Variants in EXOC4 observed in about 807,000 individuals in gnomAD.
The protein encoded by EXOC4 is exocyst complex component 4, also known as SEC8-like 1.
EXOC4 carries 71 observed loss-of-function variants against 107.2 expected under a neutral mutation model. The observed-to-expected ratio is 0.66, with a 90% CI of 0.55 to 0.81. The LOEUF is 0.81. EXOC4 is among the 30% of genes least tolerant of loss of function. The pLI, the probability that EXOC4 is intolerant of heterozygous loss-of-function variation, is 0.00. For synonymous variants in EXOC4, 456 were observed against 441.2 expected (o/e 1.03, Z -0.42); for missense variants, 1,108 against 1,189.6 (o/e 0.93, Z 1.01).
At chr7:133,691,137 A>T (rs1003437603) in intron 10 of EXOC4, among the ~76,000 whole-genome samples, 16 of 152,192 alleles carry the variant, frequency 1.1e-4, no homozygotes, top group Non-Finnish European at 2.9e-5. Flanking sequence ...TCCTTCATCC[A>T]CAAAAGATTT....
At chr7:133,909,131 G>A (rs1033204087) in intron 12 of EXOC4, among the ~76,000 whole-genome samples, 2 of 152,040 alleles carry the variant, frequency 1.3e-5, no homozygotes, top group Non-Finnish European at 2.9e-5. Flanking sequence ...TATTTTCCTG[G>A]CGTTTTGTGC....
At chr7:133,833,711 T>A (rs28642946) in intron 11 of EXOC4, among the ~76,000 whole-genome samples, 2,275 of 152,272 alleles carry the variant, frequency 0.015, 58 homozygotes, top group African/African-American at 0.051. Context: ...CACAGGCATG[T>A]GCTACCACAC....
chr7:133,986,283 A>G (rs1422346353), intron 14 of EXOC4, among the ~76,000 whole-genome samples: 1 of 152,232 alleles, frequency 6.6e-6, no homozygotes. Flanking sequence ...CTGAAATAGG[A>G]AGCAAAATGA....
intron 13 of EXOC4, among the ~76,000 whole-genome samples, chr7:133,923,651 T>C (rs1446610684): frequency 6.6e-6 from 1 of 152,258 alleles, no homozygotes; most frequent in Admixed American, 6.5e-5. Context: ...TATCTGGATG[T>C]AACATCTTTG....
In EXOC4 at chr7:133,857,191, TATATATATA is replaced by T. The variant is rs1563029953; in HGVS notation, c.1735-38407_1735-38399del. 4.3e-3 allele frequency among the ~76,000 whole-genome samples: 145 copies of T among 33,568 alleles called. 9 individuals are homozygous for T. The highest frequency in any genetic ancestry group is 0.011 in the South Asian group (11 of 1,016). 22.0% of individuals were successfully genotyped at this position (33,568 alleles called of 152,430 possible). On this transcript the variant is annotated intron_variant, in intron 11 of 17. Coordinates refer to ENST00000253861, the MANE Select transcript of EXOC4 (RefSeq NM_021807.4). ...ATATATATATATATATATATATATA[TATATATATA>T]TTTTACCTCTACTTAACCTCCCTGG... is the stretch of plus-strand genomic sequence containing the variant.
At chr7:133,832,900 G>A (rs1367212169) in intron 11 of EXOC4, among the ~76,000 whole-genome samples, 1 of 152,080 alleles carries the variant, frequency 6.6e-6, no homozygotes, top group Non-Finnish European at 1.5e-5. Flanking sequence ...AATGGTAAGT[G>A]CTTTCATAAA....
intron 7 of EXOC4, among the ~76,000 whole-genome samples, chr7:133,425,721 A>T (rs981791327): frequency 6.6e-6 from 1 of 151,948 alleles, no homozygotes; most frequent in Non-Finnish European, 1.5e-5. Context: ...AACATTTTAC[A>T]CCTTATTCTC....
At chr7:133,347,353 C>T (rs1795808295) in intron 5 of EXOC4, among the ~76,000 whole-genome samples, 1 of 151,730 alleles carries the variant, frequency 6.6e-6, no homozygotes, top group South Asian at 2.1e-4. Context: ...AAGCAATTCT[C>T]CTGCCTCAAC....
chr7:133,952,068 A>C (rs1585273152), intron 14 of EXOC4, among the ~76,000 whole-genome samples: 2 of 152,228 alleles, frequency 1.3e-5, no homozygotes, highest in East Asian at 3.9e-4. Context: ...AGGCAGGAGA[A>C]TTGCTGGAAC....
intron 13 of EXOC4, among the ~76,000 whole-genome samples, chr7:133,919,267 A>G (rs1212155026): frequency 6.6e-6 from 1 of 152,220 alleles, no homozygotes; most frequent in African/African-American, 2.4e-5. Context: ...CAAAAAGTAC[A>G]GAGTTGCCAT....
intron 10 of EXOC4, among the ~76,000 whole-genome samples, chr7:133,633,476 T>C (rs1005661764): frequency 2.0e-5 from 3 of 152,186 alleles, no homozygotes; most frequent in African/African-American, 7.2e-5. Flanking sequence ...CCCAACACCT[T>C]GGGAAGCCGA....
chr7:134,064,441 C>T lies in EXOC4; in HGVS notation c.2838C>T (p.Asn946=), dbSNP rs200117281. Residue 946 remains asparagine (N), a synonymous_variant, in exon 18 of 18, where the codon AAC becomes AAT. Transcript: ENST00000253861. ...QTGVGELTTQ[N]TRLQRLKEII... ...GGGTGGGGGAACTGACCACCCAGAA[C>T]ACGAGGCTGCAGAGGCTCAAAGAGA... The T allele has an allele frequency of 3.7e-6, 6 of 1,608,924 alleles. No individual in the cohort carries two copies. The highest frequency in any genetic ancestry group is 5.1e-6 in the Non-Finnish European group (6 of 1,177,424).
intron 9 of EXOC4, among the ~76,000 whole-genome samples, chr7:133,527,490 A>G (rs1369341407): frequency 6.6e-6 from 1 of 152,168 alleles, no homozygotes; most frequent in African/African-American, 2.4e-5. Flanking sequence ...TAAAGACTAG[A>G]GCATACAGTT....
chr7:133,815,559 T>A (rs971786604), intron 10 of EXOC4, among the ~76,000 whole-genome samples: 1 of 152,230 alleles, frequency 6.6e-6, no homozygotes, highest in Middle Eastern at 3.2e-3. Context: ...CGCTGTCTTA[T>A]ATGCTTTGCA....
At chr7:133,265,367 C>G (rs1793701794) in intron 1 of EXOC4, among the ~76,000 whole-genome samples, 1 of 151,432 alleles carries the variant, frequency 6.6e-6, no homozygotes, top group Non-Finnish European at 1.5e-5. Context: ...GATCGCGCCA[C>G]TGCACTCCAG....
chr7:134,091,850 C>T, the EXOC4 span, among the ~76,000 whole-genome samples: 6 of 152,098 alleles, frequency 3.9e-5, no homozygotes, highest in African/African-American at 1.2e-4. Flanking sequence ...GCAGAGTGTA[C>T]CCCTGTGTTT....
At chr7:133,365,694 A>C (rs145306375) in intron 6 of EXOC4, among the ~76,000 whole-genome samples, 54 of 152,284 alleles carry the variant, frequency 3.5e-4, no homozygotes, top group African/African-American at 1.3e-3. Context: ...ACGTATTTCT[A>C]TCCCTTAGAA....
chr7:133,637,886 C>T (rs1004414132), intron 10 of EXOC4, among the ~76,000 whole-genome samples: 7 of 152,040 alleles, frequency 4.6e-5, no homozygotes, highest in African/African-American at 1.7e-4. Context: ...ACTAACTGGG[C>T]GGTTTTATAC....
chr7:133,316,704 G>A (rs1794998791), intron 4 of EXOC4, among the ~76,000 whole-genome samples: 1 of 152,116 alleles, frequency 6.6e-6, no homozygotes. Context: ...GGTGAAATGG[G>A]TAAATACTGA....
Sources: allele counts gnomAD v4.1 joint callset (sites outside exome capture counted in the v4.1 genomes callset), GRCh38; gene constraint gnomAD v4.1.1; transcripts MANE v1.5; gene names NCBI Gene and HGNC (gene_info 2026-07-23, HGNC 2026-07-21).